Variants in SLC68A1 observed in about 807,000 individuals in gnomAD.
SLC68A1 encodes solute carrier family 68 member 1.
At chr10:102,473,086 A>G in the SLC68A1 span, 7 of 747,404 alleles carry the variant, frequency 9.4e-6, no homozygotes, top group Admixed American at 8.5e-5. Context: ...TCTGCCTCCC[A>G]AAGTACTGGG....
the SLC68A1 span, among the ~76,000 whole-genome samples, chr10:102,472,495 C>A: frequency 6.6e-6 from 1 of 152,294 alleles, no homozygotes; most frequent in South Asian, 2.1e-4. Context: ...AACTCCTGGC[C>A]TTAAGTGATC....
the SLC68A1 span, among the ~76,000 whole-genome samples, chr10:102,467,733 T>C: frequency 6.6e-6 from 1 of 152,144 alleles, no homozygotes; most frequent in South Asian, 2.1e-4. Flanking sequence ...CTTGGCTCAC[T>C]GCAGCCTCTG....
chr10:102,467,181 C>T, the SLC68A1 span, among the ~76,000 whole-genome samples: 5 of 152,250 alleles, frequency 3.3e-5, no homozygotes, highest in South Asian at 2.1e-4. Context: ...GGATTACAGG[C>T]GCCCGCCACC....
At chr10:102,472,493 G>GCCTT in the SLC68A1 span, among the ~76,000 whole-genome samples, 2 of 152,084 alleles carry the variant, frequency 1.3e-5, no homozygotes, top group Non-Finnish European at 2.9e-5. Flanking sequence ...CAAACTCCTG[G>GCCTT]CCTTAAGTGA....
At chr10:102,470,256 G>A in the SLC68A1 span, among the ~76,000 whole-genome samples, 100 of 152,252 alleles carry the variant, frequency 6.6e-4, no homozygotes, top group Middle Eastern at 3.4e-3. Flanking sequence ...GGCCTTGGAC[G>A]TACACTTGCC....
At chr10:102,473,039 G>A in the SLC68A1 span, 1 of 1,114,458 alleles carries the variant, frequency 9.0e-7, no homozygotes, top group East Asian at 2.4e-5. Context: ...TATTAGCCAG[G>A]ATGGTCTCCA....
the SLC68A1 span, chr10:102,472,781 T>C: frequency 3.6e-6 from 4 of 1,111,586 alleles, no homozygotes; most frequent in South Asian, 1.2e-5. Context: ...GGATGTGTGT[T>C]CCCCTGTTGG....
the SLC68A1 span, chr10:102,471,990 A>T: frequency 2.2e-6 from 1 of 456,150 alleles, no homozygotes; most frequent in South Asian, 1.6e-5. Flanking sequence ...GGGACCCTCT[A>T]ACAATCTTTT....
chr10:102,470,174 G>A, the SLC68A1 span: 1 of 1,153,440 alleles, frequency 8.7e-7, no homozygotes, highest in Non-Finnish European at 1.3e-6. Context: ...GAAGGAAGGG[G>A]AGACTATTTC....
At chr10:102,473,814 T>A in the SLC68A1 span, 8 of 1,609,154 alleles carry the variant, frequency 5.0e-6, no homozygotes, top group Admixed American at 1.7e-5. Flanking sequence ...CTCCCTCTAC[T>A]GCAGCAACCG....
chr10:102,473,543 A>G, the SLC68A1 span: 2 of 1,570,024 alleles, frequency 1.3e-6, no homozygotes, highest in Non-Finnish European at 1.7e-6. Flanking sequence ...TGCCCTTGAC[A>G]AGGTGGCTCC....
the SLC68A1 span, among the ~76,000 whole-genome samples, chr10:102,470,249 C>T: frequency 6.6e-6 from 1 of 152,108 alleles, no homozygotes; most frequent in South Asian, 2.1e-4. Flanking sequence ...GAGAGGTGGC[C>T]TTGGACGTAC....
At chr10:102,471,100 C>T in the SLC68A1 span, 2 of 1,613,660 alleles carry the variant, frequency 1.2e-6, no homozygotes, top group Non-Finnish European at 1.7e-6. Context: ...GGTGCTCAGG[C>T]CTGGTTGTGG....
At chr10:102,475,358 T>A in the SLC68A1 span, among the ~76,000 whole-genome samples, 1 of 150,374 alleles carries the variant, frequency 6.7e-6, no homozygotes, top group Admixed American at 6.6e-5. Flanking sequence ...GAGGCCAGAA[T>A]GGGGACAGCA....
the SLC68A1 span, among the ~76,000 whole-genome samples, chr10:102,464,789 C>CAA: frequency 0.62 from 74,966 of 120,340 alleles, 23,759 homozygotes; most frequent in East Asian, 0.74. Context: ...GACTCTGTCT[C>CAA]AAAAAAAAAA....
At chr10:102,476,044 T>TTTTTG in the SLC68A1 span, 10 of 1,371,846 alleles carry the variant, frequency 7.3e-6, no homozygotes, top group East Asian at 1.4e-4. Flanking sequence ...AGGAGCCAGT[T>TTTTTG]TTTTTTGGTT....
At chr10:102,476,569 A>G in the SLC68A1 span, 2 of 986,072 alleles carry the variant, frequency 2.0e-6, no homozygotes, top group Non-Finnish European at 2.4e-6. Flanking sequence ...AAGACATGGC[A>G]GCGGGTAGCT....
At chr10:102,469,830 C>T in the SLC68A1 span, 53 of 985,144 alleles carry the variant, frequency 5.4e-5, no homozygotes, top group Admixed American at 1.2e-4. Context: ...GAGCCACCAG[C>T]GCCTGGCCAG....
the SLC68A1 span, among the ~76,000 whole-genome samples, chr10:102,474,780 G>T: frequency 6.6e-6 from 1 of 152,028 alleles, no homozygotes; most frequent in Non-Finnish European, 1.5e-5. Context: ...CCAAGTAGTT[G>T]GGACCACAGG....
Sources: allele counts gnomAD v4.1 joint callset (sites outside exome capture counted in the v4.1 genomes callset), GRCh38; gene constraint gnomAD v4.1.1; transcripts MANE v1.5; gene names NCBI Gene and HGNC (gene_info 2026-07-23, HGNC 2026-07-21).